Variants in WBP1L observed in about 807,000 individuals in gnomAD.
WBP1L encodes WW domain binding protein 1 like.
In WBP1L, 17 loss-of-function variants were observed where a neutral mutation model predicts 33.7. The ratio of observed to expected loss-of-function variants is 0.50; its 90% confidence interval spans 0.34 to 0.76. The LOEUF (loss-of-function observed/expected upper bound fraction) is 0.76, where lower values mean the gene tolerates loss of function less well. WBP1L is among the 30% of genes least tolerant of loss of function. WBP1L has a pLI of 0.01. For synonymous variants in WBP1L, 173 were observed against 190.8 expected, an observed-to-expected ratio of 0.91 and a Z score of 0.77; for missense variants, 389 against 469.4, an observed-to-expected ratio of 0.83 and a Z score of 1.58.
chr10:102,751,495 A>G (rs552293069), intron 1 of WBP1L, among the ~76,000 whole-genome samples: 1 of 151,824 alleles, frequency 6.6e-6, no homozygotes, highest in East Asian at 1.9e-4. Context: ...TTTTGTAGAG[A>G]TGGAGTTTCA....
chr10:102,745,803 G>A (rs535965361), intron 1 of WBP1L, among the ~76,000 whole-genome samples: 1 of 152,250 alleles, frequency 6.6e-6, no homozygotes, highest in South Asian at 2.1e-4. Context: ...TCGAGGGTTG[G>A]GACCCTTCTG....
At chr10:102,790,021 A>C (rs1452519718) in intron 1 of WBP1L, among the ~76,000 whole-genome samples, 1 of 152,090 alleles carries the variant, frequency 6.6e-6, no homozygotes, top group African/African-American at 2.4e-5. Flanking sequence ...TATAGGCATG[A>C]GCCACCACGC....
chr10:102,744,527 A>T, intron 1 of WBP1L: 1 of 974,982 alleles, frequency 1.0e-6, no homozygotes, highest in Non-Finnish European at 1.2e-6. Flanking sequence ...TACACAGGCT[A>T]TTGAGTTGGC....
At position 102,812,902 on chromosome 10, in the gene WBP1L, G is replaced by T. The variant is rs1590196644; in HGVS notation, c.663G>T (p.Val221=). The T allele has an allele frequency of 6.3e-7, 1 of 1,579,836 alleles. No individual in the cohort carries two copies. The highest frequency in any genetic ancestry group is 8.6e-7 in the Non-Finnish European group (1 of 1,160,734). The change falls in exon 4 of 4, where the codon GTG becomes GTT. Residue 221 remains valine, a synonymous_variant. Coordinates refer to ENST00000448841, the MANE Select transcript of WBP1L (RefSeq NM_001083913.2). ...CAGGGATGGAGCCCAGTGGCTCTGT[G>T]GCTGGCCTGGGGGAGCTGGACCCGG... ...KAPGMEPSGS[V]AGLGELDPGA...
At chr10:102,798,459 G>A (rs1039127500) in intron 2 of WBP1L, among the ~76,000 whole-genome samples, 4 of 151,632 alleles carry the variant, frequency 2.6e-5, no homozygotes, top group Non-Finnish European at 4.4e-5. Context: ...ACGGAGTCTC[G>A]CTCTGTCACC....
At chr10:102,767,709 A>G (rs1436428662) in intron 1 of WBP1L, among the ~76,000 whole-genome samples, 1 of 152,174 alleles carries the variant, frequency 6.6e-6, no homozygotes, top group Non-Finnish European at 1.5e-5. Flanking sequence ...CAACCTCTGC[A>G]ATAAAACAAA....
At chr10:102,803,667 G>GTT in intron 2 of WBP1L, among the ~76,000 whole-genome samples, 1 of 151,150 alleles carries the variant, frequency 6.6e-6, no homozygotes, top group South Asian at 2.1e-4. Context: ...GGAGTGCAGT[G>GTT]GCGCTATCTT....
At chr10:102,807,662 T>C (rs985486630) in intron 2 of WBP1L, among the ~76,000 whole-genome samples, 1 of 152,042 alleles carries the variant, frequency 6.6e-6, no homozygotes, top group Non-Finnish European at 1.5e-5. Flanking sequence ...TGTGAGCCCC[T>C]GCGCCCAGCC....
At chr10:102,772,838 A>G (rs1458717921) in intron 1 of WBP1L, among the ~76,000 whole-genome samples, 4 of 151,700 alleles carry the variant, frequency 2.6e-5, no homozygotes, top group Non-Finnish European at 5.9e-5. Context: ...CCAAAGTACT[A>G]GGATTACAGG....
chr10:102,748,172 C>T (rs1842886641), intron 1 of WBP1L, among the ~76,000 whole-genome samples: 1 of 151,912 alleles, frequency 6.6e-6, no homozygotes, highest in South Asian at 2.1e-4. Flanking sequence ...AGGAGAATGG[C>T]GTGAACCTGG....
intron 2 of WBP1L, among the ~76,000 whole-genome samples, chr10:102,800,702 C>T (rs533997496): frequency 6.6e-6 from 1 of 152,342 alleles, no homozygotes; most frequent in East Asian, 1.9e-4. Flanking sequence ...GAGGTCATGG[C>T]TTCTGCCTGG....
At chr10:102,764,791 A>C (rs1218473665) in intron 1 of WBP1L, among the ~76,000 whole-genome samples, 1 of 152,206 alleles carries the variant, frequency 6.6e-6, no homozygotes, top group Non-Finnish European at 1.5e-5. Context: ...GATTTATGTA[A>C]GATCCAGGAA....
chr10:102,802,913 A>T (rs1486136154), intron 2 of WBP1L, among the ~76,000 whole-genome samples: 2 of 152,226 alleles, frequency 1.3e-5, no homozygotes, highest in Non-Finnish European at 2.9e-5. Context: ...CACACTAAGA[A>T]CTTACCATAC....
Position 102,816,195 on chromosome 10 carries a change from G to A in WBP1L, c.*2864G>A, listed in dbSNP as rs1843941439. The stretch of plus-strand genomic sequence containing the variant: ...GTCTCAGTGACGCATTTCCTGTGCT[G>A]TGATTGTTCTGAAGACAGAGTGGCT... On this transcript the variant is annotated 3_prime_UTR_variant, in exon 4 of 4. Coordinates refer to ENST00000448841, the MANE Select transcript of WBP1L (RefSeq NM_001083913.2). 1 of 152,676 alleles carries A rather than the reference G, an allele frequency of 6.5e-6. No individual in the cohort carries two copies. The highest frequency in any genetic ancestry group is 1.5e-5 in the Non-Finnish European group (1 of 68,050). 9.5% of individuals were successfully genotyped at this position (152,676 alleles called of 1,614,324 possible).
chr10:102,748,279 CA>C (rs1165991849), intron 1 of WBP1L, among the ~76,000 whole-genome samples: 1 of 150,532 alleles, frequency 6.6e-6, no homozygotes, highest in Non-Finnish European at 1.5e-5. Flanking sequence ...ACCAAACAAA[CA>C]AAAAAAAACT....
chr10:102,747,286 G>A (rs547698910), intron 1 of WBP1L, among the ~76,000 whole-genome samples: 1 of 151,754 alleles, frequency 6.6e-6, no homozygotes, highest in East Asian at 1.9e-4. Context: ...CTTGAACGTG[G>A]GAGGTAGAGG....
Position 102,752,422 on chromosome 10 carries a change from C to T in WBP1L, c.90+8279C>T, listed in dbSNP as rs534112808. On this transcript the variant is annotated intron_variant, in intron 1 of 3. Coordinates refer to ENST00000448841, the MANE Select transcript of WBP1L (RefSeq NM_001083913.2). ...TGATATGCCGAATCTCACTGCCTTT[C>T]AGGTTTGTTGATGTATGTGGTCAGT... Among the ~76,000 whole-genome samples the T allele has an allele frequency of 6.6e-5, 10 of 152,302 alleles. No homozygotes were observed. The East Asian group carries it at 1.9e-3, about 29-fold the overall frequency.
intron 1 of WBP1L, among the ~76,000 whole-genome samples, chr10:102,762,202 A>C (rs946811272): frequency 2.0e-5 from 3 of 152,116 alleles, no homozygotes; most frequent in African/African-American, 7.2e-5. Context: ...GTCTCAAAAA[A>C]TGAAGAAGTA....
At chr10:102,771,418 G>A (rs1843184838) in intron 1 of WBP1L, among the ~76,000 whole-genome samples, 1 of 152,066 alleles carries the variant, frequency 6.6e-6, no homozygotes, top group Non-Finnish European at 1.5e-5. Flanking sequence ...GAGGCACGGT[G>A]GCTCAGTCCT....
Sources: allele counts gnomAD v4.1 joint callset (sites outside exome capture counted in the v4.1 genomes callset), GRCh38; gene constraint gnomAD v4.1.1; transcripts MANE v1.5; gene names NCBI Gene and HGNC (gene_info 2026-07-23, HGNC 2026-07-21).